NRCAM: variants seen among roughly 807,000 people sequenced by gnomAD.
The protein encoded by NRCAM is NgCAM-related cell adhesion molecule.
In NRCAM, 83 loss-of-function variants were observed where a neutral mutation model predicts 156.5. The ratio of observed to expected loss-of-function variants is 0.53; its 90% CI spans 0.44 to 0.64. The LOEUF is 0.64. Ranked by LOEUF, NRCAM falls within the 30% of genes least tolerant of loss-of-function variation. The pLI is 0.00. For synonymous variants in NRCAM, 538 were observed against 563.9 expected, an observed-to-expected ratio of 0.95 and a Z score of 0.65; for missense variants, 1,417 against 1,597.3, an observed-to-expected ratio of 0.89 and a Z score of 1.92.
chr7:108,389,184 T>C (rs1429921640), intron 2 of NRCAM, among the ~76,000 whole-genome samples: 2 of 152,188 alleles, frequency 1.3e-5, no homozygotes, highest in Non-Finnish European at 2.9e-5. Context: ...ATTCTTCCTA[T>C]CCATGAGCAT....
intron 11 of NRCAM, among the ~76,000 whole-genome samples, chr7:108,214,871 A>C: frequency 6.6e-6 from 1 of 152,216 alleles, no homozygotes; most frequent in Admixed American, 6.5e-5. Flanking sequence ...GTAGTCACTC[A>C]GGAGCAGGTT....
chr7:108,199,967 A>G (rs990559047), intron 13 of NRCAM, among the ~76,000 whole-genome samples: 3 of 152,232 alleles, frequency 2.0e-5, no homozygotes, highest in Admixed American at 6.5e-5. Context: ...TAAGTTCAGA[A>G]TAAGTTTTTA....
rs113073006 is a variant in NRCAM at position 108,209,868 on chromosome 7, G to A, written c.891-263C>T. Among the ~76,000 whole-genome samples, 1,096 of 152,268 alleles carry A rather than the reference G, an allele frequency of 7.2e-3. 22 individuals are homozygous for A. Among genetic ancestry groups the A allele is most frequent in the African/African-American group, 0.025 (1,037 of 41,550 alleles). On this transcript the variant is annotated intron_variant, in intron 11 of 32. Coordinates refer to ENST00000379028, the MANE Select transcript of NRCAM (RefSeq NM_001037132.4). ...GAATGCCAGCATGAGTTGCTTTACTGATGGGGCCTAATTATTTTTTTCAAC... is the reference window on the plus strand; with the variant it reads ...GAATGCCAGCATGAGTTGCTTTACTAATGGGGCCTAATTATTTTTTTCAAC...
At chr7:108,275,110 C>G (rs1365135650) in intron 3 of NRCAM, among the ~76,000 whole-genome samples, 1 of 152,164 alleles carries the variant, frequency 6.6e-6, no homozygotes, top group Non-Finnish European at 1.5e-5. Context: ...GGTGGATAAG[C>G]TTTTTGATGT....
At chr7:108,388,643 G>A (rs1355790951) in intron 2 of NRCAM, among the ~76,000 whole-genome samples, 2 of 152,196 alleles carry the variant, frequency 1.3e-5, no homozygotes, top group Non-Finnish European at 2.9e-5. Flanking sequence ...CCATGCCTAT[G>A]TCCTGAATGG....
At chr7:108,412,183 AAAC>A (rs1796228627) in intron 1 of NRCAM, among the ~76,000 whole-genome samples, 1 of 152,160 alleles carries the variant, frequency 6.6e-6, no homozygotes, top group Non-Finnish European at 1.5e-5. Context: ...AGGCGAAAAA[AAAC>A]AACTGAGTCT....
intron 1 of NRCAM, among the ~76,000 whole-genome samples, chr7:108,432,126 T>C (rs1826021493): frequency 6.6e-6 from 1 of 152,224 alleles, no homozygotes; most frequent in South Asian, 2.1e-4. Context: ...GATCACTGTT[T>C]TGCATGGATT....
rs150726638 is a variant in NRCAM, at chr7:108,403,847, T to C, written c.-331-4254A>G. Among the ~76,000 whole-genome samples the C allele has an allele frequency of 8.5e-4, 130 of 152,326 alleles. 1 individual carries two copies. Among genetic ancestry groups the C allele is most frequent in the Admixed American group, 3.9e-3 (60 of 15,280 alleles). On this transcript the variant is annotated intron_variant, in intron 1 of 32. Transcript: ENST00000379028. Reference sequence around the variant, plus strand: ...AATTAGCAGAATCTGTCATTTTAGGTCATCGGTATCCCCTTGCCAAAGTGA... The same window carrying C: ...AATTAGCAGAATCTGTCATTTTAGGCCATCGGTATCCCCTTGCCAAAGTGA...
chr7:108,166,358 C>T (rs1033690773), intron 30 of NRCAM, among the ~76,000 whole-genome samples: 1 of 151,580 alleles, frequency 6.6e-6, no homozygotes, highest in Non-Finnish European at 1.5e-5. Flanking sequence ...AGTGATTCTC[C>T]TGCCTCAGCC....
intron 10 of NRCAM, among the ~76,000 whole-genome samples, chr7:108,224,833 C>T (rs2093163248): frequency 6.6e-6 from 1 of 152,014 alleles, no homozygotes; most frequent in Non-Finnish European, 1.5e-5. Context: ...TCTTGGGGCC[C>T]ATATTTTTCA....
intron 2 of NRCAM, among the ~76,000 whole-genome samples, chr7:108,338,818 T>C (rs1245663207): frequency 6.9e-6 from 1 of 144,698 alleles, no homozygotes; most frequent in East Asian, 2.0e-4. Flanking sequence ...ACTACCTTGT[T>C]CTCAGTGTAA....
At chr7:108,406,431 A>C (rs2099807747) in intron 1 of NRCAM, among the ~76,000 whole-genome samples, 1 of 152,234 alleles carries the variant, frequency 6.6e-6, no homozygotes, top group African/African-American at 2.4e-5. Flanking sequence ...GGGAGTTTCT[A>C]CTATACTTCA....
chr7:108,158,468 T>A (rs914638176), intron 32 of NRCAM, among the ~76,000 whole-genome samples: 1 of 152,152 alleles, frequency 6.6e-6, no homozygotes, highest in Non-Finnish European at 1.5e-5. Flanking sequence ...GATATTGACA[T>A]GATAGTGACA....
At chr7:108,445,322 T>C (rs1221093392) in intron 1 of NRCAM, among the ~76,000 whole-genome samples, 24 of 152,226 alleles carry the variant, frequency 1.6e-4, no homozygotes, top group Admixed American at 1.6e-3. Flanking sequence ...ATATTATCAT[T>C]TTTTGGAGAG....
At chr7:108,267,661 T>C (rs2097159660) in intron 3 of NRCAM, among the ~76,000 whole-genome samples, 2 of 152,224 alleles carry the variant, frequency 1.3e-5, no homozygotes, top group South Asian at 2.1e-4. Context: ...TTTTAGCATG[T>C]TGAGGTTCTT....
intron 3 of NRCAM, among the ~76,000 whole-genome samples, chr7:108,253,491 G>C (rs1007168035): frequency 2.0e-5 from 3 of 152,216 alleles, no homozygotes; most frequent in East Asian, 1.9e-4. Context: ...CAAGTGCCCA[G>C]AAGGGGATGA....
intron 25 of NRCAM, among the ~76,000 whole-genome samples, chr7:108,179,007 C>T (rs936159498): frequency 7.9e-5 from 12 of 152,150 alleles, no homozygotes; most frequent in African/African-American, 2.4e-4. Context: ...CTGCTTTAGG[C>T]CCCTAGATGT....
intron 3 of NRCAM, among the ~76,000 whole-genome samples, chr7:108,263,835 G>C (rs776515550): frequency 1.5e-4 from 23 of 152,212 alleles, no homozygotes; most frequent in Non-Finnish European, 2.9e-4. Context: ...GCAATCTGAA[G>C]AGTTCTTGAA....
intron 2 of NRCAM, among the ~76,000 whole-genome samples, chr7:108,355,546 T>C (rs2154301821): frequency 6.6e-6 from 1 of 152,340 alleles, no homozygotes; most frequent in South Asian, 2.1e-4. Context: ...TGTCATCAAC[T>C]ATGGTCTGAA....
Sources: gnomAD v4.1 joint callset for allele counts (sites outside exome capture counted in the v4.1 genomes callset) on GRCh38, gnomAD v4.1.1 for gene constraint, MANE v1.5 for transcripts, NCBI Gene and HGNC (gene_info 2026-07-23, HGNC 2026-07-21) for gene names.